Variants in GRM7 observed in about 807,000 individuals in gnomAD.
GRM7 encodes metabotropic glutamate receptor 7.
GRM7 carries 35 observed loss-of-function variants against 84.5 expected under a neutral mutation model. The ratio of observed to expected loss-of-function variants is 0.41; its 90% CI spans 0.32 to 0.55. The LOEUF (loss-of-function observed/expected upper bound fraction) is 0.55. Among genes scored for constraint, GRM7 ranks in the 20% least tolerant of loss-of-function variants. The probability of loss-of-function intolerance (pLI) is 0.19; values close to 1 mark genes in which losing one functional copy is unlikely to be tolerated. For synonymous variants in GRM7, 487 were observed against 455.1 expected (o/e 1.07, Z -0.89); for missense variants, 1,003 against 1,194.6 (o/e 0.84, Z 2.36).
At chr3:7,148,756 T>C (rs1375313741) in intron 2 of GRM7, among the ~76,000 whole-genome samples, 3 of 152,164 alleles carry the variant, frequency 2.0e-5, no homozygotes, top group African/African-American at 7.2e-5. Flanking sequence ...CAATCCTACA[T>C]TGAAAAGCCC....
intron 1 of GRM7, among the ~76,000 whole-genome samples, chr3:6,970,983 AAAAC>A (rs71063280): frequency 0.26 from 38,020 of 148,892 alleles, 5,681 homozygotes; most frequent in East Asian, 0.63. Context: ...CTCTGTCTCA[AAAAC>A]AAACAAACAA....
At chr3:7,382,820 A>T (rs1011566986) in intron 4 of GRM7, among the ~76,000 whole-genome samples, 2 of 152,224 alleles carry the variant, frequency 1.3e-5, no homozygotes, top group African/African-American at 4.8e-5. Flanking sequence ...AGATGGCAGA[A>T]ATTAATGAGT....
intron 1 of GRM7, among the ~76,000 whole-genome samples, chr3:6,930,409 A>T (rs994484006): frequency 4.6e-5 from 7 of 152,206 alleles, no homozygotes; most frequent in African/African-American, 1.7e-4. Flanking sequence ...ATATCCTATG[A>T]TTATAACACA....
intron 7 of GRM7, among the ~76,000 whole-genome samples, chr3:7,538,387 C>T (rs1053780241): frequency 9.2e-5 from 14 of 152,260 alleles, no homozygotes; most frequent in African/African-American, 2.6e-4. Flanking sequence ...GCTGGGATTA[C>T]GGGCATGAGC....
At chr3:7,174,519 T>A (rs1695082281) in intron 2 of GRM7, among the ~76,000 whole-genome samples, 1 of 152,212 alleles carries the variant, frequency 6.6e-6, no homozygotes, top group African/African-American at 2.4e-5. Context: ...GTCCTTTTTA[T>A]GACAAACACA....
At chr3:7,135,288 G>T (rs1201731748) in intron 1 of GRM7, among the ~76,000 whole-genome samples, 1 of 152,134 alleles carries the variant, frequency 6.6e-6, no homozygotes, top group African/African-American at 2.4e-5. Flanking sequence ...GCCCGAAATG[G>T]TTCTTCAATG....
chr3:7,406,644 G>T (rs566626166), intron 4 of GRM7, among the ~76,000 whole-genome samples: 1 of 152,180 alleles, frequency 6.6e-6, no homozygotes, highest in South Asian at 2.1e-4. Context: ...TTGTGATGGG[G>T]CATTTTAAAT....
At chr3:7,651,546 G>A (rs1209264384) in intron 8 of GRM7, among the ~76,000 whole-genome samples, 2 of 152,158 alleles carry the variant, frequency 1.3e-5, no homozygotes, top group Non-Finnish European at 2.9e-5. Context: ...AACAAGAAGG[G>A]GAGAGCTATT....
chr3:7,204,774 G>A (rs550566594), intron 2 of GRM7, among the ~76,000 whole-genome samples: 1 of 152,270 alleles, frequency 6.6e-6, no homozygotes, highest in African/African-American at 2.4e-5. Flanking sequence ...ATCCAGTACT[G>A]CATTAATTTG....
At chr3:7,200,975 T>TG (rs1696048359) in intron 2 of GRM7, among the ~76,000 whole-genome samples, 1 of 143,100 alleles carries the variant, frequency 7.0e-6, no homozygotes, top group Non-Finnish European at 1.5e-5. Context: ...TTTTTTTTTT[T>TG]TTTTTTTTTT....
chr3:7,241,461 A>G (rs1697555162), intron 2 of GRM7, among the ~76,000 whole-genome samples: 1 of 152,188 alleles, frequency 6.6e-6, no homozygotes, highest in Non-Finnish European at 1.5e-5. Context: ...TAAATTAGGA[A>G]TTAAAAATAT....
At chr3:7,724,123 A>G (rs1702042857) in intron 9 of GRM7, among the ~76,000 whole-genome samples, 1 of 152,134 alleles carries the variant, frequency 6.6e-6, no homozygotes. Flanking sequence ...TGTTGCTCTG[A>G]TCAGCCATAG....
chr3:7,268,867 GTTT>G, intron 2 of GRM7, among the ~76,000 whole-genome samples: 2 of 152,164 alleles, frequency 1.3e-5, no homozygotes, highest in African/African-American at 4.8e-5. Flanking sequence ...TGCTGTTTTG[GTTT>G]GATTTGGTGG....
intron 1 of GRM7, among the ~76,000 whole-genome samples, chr3:6,888,460 T>A (rs1268130117): frequency 2.0e-5 from 3 of 152,110 alleles, no homozygotes; most frequent in African/African-American, 7.2e-5. Flanking sequence ...GGCTGGCCAG[T>A]TTTCCCAGCA....
chr3:7,033,907 T>C (rs540084231), intron 1 of GRM7, among the ~76,000 whole-genome samples: 1 of 152,312 alleles, frequency 6.6e-6, no homozygotes, highest in South Asian at 2.1e-4. Flanking sequence ...ATTATATTTC[T>C]GGGATTCTTT....
chr3:7,218,197 A>G (rs543693660), intron 2 of GRM7, among the ~76,000 whole-genome samples: 14 of 152,230 alleles, frequency 9.2e-5, no homozygotes, highest in East Asian at 7.7e-4. Context: ...GCATGTGTAA[A>G]TATTTCGTAC....
intron 1 of GRM7, among the ~76,000 whole-genome samples, chr3:6,958,611 C>T (rs948943863): frequency 3.9e-5 from 6 of 152,190 alleles, no homozygotes; most frequent in South Asian, 4.1e-4. Context: ...ATGGCAGTGA[C>T]GGTGGTCTAG....
intron 7 of GRM7, among the ~76,000 whole-genome samples, chr3:7,537,217 T>C (rs1701275941): frequency 6.6e-6 from 1 of 152,224 alleles, no homozygotes; most frequent in Non-Finnish European, 1.5e-5. Context: ...CCCACTCTTC[T>C]TCTTCACTTC....
At chr3:6,891,253 G>A (rs993063263) in intron 1 of GRM7, among the ~76,000 whole-genome samples, 7 of 152,094 alleles carry the variant, frequency 4.6e-5, no homozygotes, top group African/African-American at 1.7e-4. Flanking sequence ...ATATTGTTAT[G>A]TGTGAATTTG....
Sources: gnomAD v4.1 joint callset for allele counts (sites outside exome capture counted in the v4.1 genomes callset) on GRCh38, gnomAD v4.1.1 for gene constraint, MANE v1.5 for transcripts, NCBI Gene and HGNC (gene_info 2026-07-23, HGNC 2026-07-21) for gene names.